The following TMEM132C variants were observed in gnomAD, a reference collection of about 807,000 sequenced individuals.
The protein encoded by TMEM132C is protein phosphatase 1, regulatory subunit 152.
A neutral mutation model predicts 61.4 loss-of-function variants in TMEM132C; 29 were observed. That is an observed-to-expected ratio of 0.47 (90% CI 0.35 to 0.64). The LOEUF (loss-of-function observed/expected upper bound fraction) is 0.64, where lower values mean the gene tolerates loss of function less well. Among genes scored for constraint, TMEM132C ranks in the 30% least tolerant of loss-of-function variants. The pLI, the probability that TMEM132C is intolerant of heterozygous loss-of-function variation, is 0.00. For synonymous variants in TMEM132C, 656 were observed against 633.1 expected, an observed-to-expected ratio of 1.04 and a Z score of -0.54; for missense variants, 1,408 against 1,476.9, an observed-to-expected ratio of 0.95 and a Z score of 0.76.
intron 4 of TMEM132C, among the ~76,000 whole-genome samples, chr12:128,651,344 C>T (rs1165186308): frequency 2.0e-5 from 3 of 152,228 alleles, no homozygotes; most frequent in Admixed American, 1.3e-4. Flanking sequence ...GCTCTTCAGA[C>T]AACGACTCCA....
chr12:128,411,921 C>G (rs1219937949), intron 1 of TMEM132C, among the ~76,000 whole-genome samples: 1 of 152,164 alleles, frequency 6.6e-6, no homozygotes. Flanking sequence ...GGTGAGACAC[C>G]AGGCTCCCGG....
intron 1 of TMEM132C, among the ~76,000 whole-genome samples, chr12:128,330,399 A>G (rs1312379004): frequency 1.3e-5 from 2 of 152,112 alleles, no homozygotes; most frequent in Non-Finnish European, 2.9e-5. Flanking sequence ...TTAAAAGTGT[A>G]TTTCTAGGGC....
chr12:128,291,298 C>G (rs1000015878), intron 1 of TMEM132C, among the ~76,000 whole-genome samples: 5 of 152,154 alleles, frequency 3.3e-5, no homozygotes, highest in Admixed American at 6.5e-5. Flanking sequence ...GTGTAGGTAC[C>G]GTTTTCACCC....
chr12:128,399,044 T>C (rs1188819496), intron 1 of TMEM132C, among the ~76,000 whole-genome samples: 2 of 152,224 alleles, frequency 1.3e-5, no homozygotes, highest in Non-Finnish European at 2.9e-5. Context: ...TACTCAACCA[T>C]CAGGAAAGCA....
chr12:128,531,629 A>G (rs575170899), intron 2 of TMEM132C, among the ~76,000 whole-genome samples: 28 of 152,364 alleles, frequency 1.8e-4, no homozygotes, highest in African/African-American at 5.8e-4. Flanking sequence ...GCACATACAC[A>G]TGACTTCTCT....
chr12:128,481,290 G>A (rs993689900), intron 2 of TMEM132C, among the ~76,000 whole-genome samples: 18 of 152,314 alleles, frequency 1.2e-4, no homozygotes, highest in African/African-American at 3.6e-4. Flanking sequence ...CAACCTTAAC[G>A]ATTTTTACGC....
intron 1 of TMEM132C, among the ~76,000 whole-genome samples, chr12:128,390,121 C>G (rs1874714680): frequency 6.6e-6 from 1 of 152,158 alleles, no homozygotes; most frequent in Non-Finnish European, 1.5e-5. Context: ...TCCTCCCACT[C>G]CAGCCTCCCA....
intron 2 of TMEM132C, among the ~76,000 whole-genome samples, chr12:128,483,185 T>C (rs967423767): frequency 6.7e-6 from 1 of 149,532 alleles, no homozygotes; most frequent in African/African-American, 2.5e-5. Flanking sequence ...GGGCGATTGC[T>C]TGAGTCCAGG....
At chr12:128,543,633 C>T (rs182074575) in intron 2 of TMEM132C, among the ~76,000 whole-genome samples, 8 of 152,266 alleles carry the variant, frequency 5.3e-5, no homozygotes, top group African/African-American at 1.9e-4. Flanking sequence ...CGCAGAGCCC[C>T]CTGAGTGAGG....
chr12:128,518,565 A>G (rs1422495043), intron 2 of TMEM132C, among the ~76,000 whole-genome samples: 1 of 152,234 alleles, frequency 6.6e-6, no homozygotes, highest in Non-Finnish European at 1.5e-5. Context: ...GGATCTAAAA[A>G]GTAATTACTG....
chr12:128,291,172 G>A (rs377153918), intron 1 of TMEM132C, among the ~76,000 whole-genome samples: 26 of 152,270 alleles, frequency 1.7e-4, no homozygotes, highest in African/African-American at 6.3e-4. Context: ...GCTGCAAGGC[G>A]ATCCCAGAAT....
At chr12:128,443,087 TA>T (rs972355991) in intron 2 of TMEM132C, among the ~76,000 whole-genome samples, 6 of 151,706 alleles carry the variant, frequency 4.0e-5, no homozygotes, top group African/African-American at 1.5e-4. Flanking sequence ...AATGGCTCAT[TA>T]AAAAAATGGA....
At chr12:128,678,146 G>T (rs1359221960) in intron 5 of TMEM132C, among the ~76,000 whole-genome samples, 2 of 152,250 alleles carry the variant, frequency 1.3e-5, no homozygotes, top group Non-Finnish European at 1.5e-5. Context: ...GACAGCAGAA[G>T]AGAGTTTTCT....
At chr12:128,557,329 A>G (rs1874365228) in intron 3 of TMEM132C, among the ~76,000 whole-genome samples, 1 of 152,186 alleles carries the variant, frequency 6.6e-6, no homozygotes, top group Non-Finnish European at 1.5e-5. Context: ...AAAACTGAAA[A>G]TGTATGAAGC....
intron 5 of TMEM132C, among the ~76,000 whole-genome samples, chr12:128,687,880 C>A (rs1339209248): frequency 6.6e-6 from 1 of 152,158 alleles, no homozygotes; most frequent in Non-Finnish European, 1.5e-5. Context: ...AGGATGCAGA[C>A]CAACCTACTG....
intron 2 of TMEM132C, among the ~76,000 whole-genome samples, chr12:128,515,767 G>A (rs1404639456): frequency 3.9e-5 from 6 of 152,176 alleles, no homozygotes; most frequent in African/African-American, 9.6e-5. Flanking sequence ...CCCGGGAGGC[G>A]GAGTTTGCAG....
chr12:128,589,574 T>C lies in TMEM132C; in HGVS notation c.1122-26578T>C, dbSNP rs1404771326. On this transcript the variant is annotated intron_variant, in intron 3 of 8. Transcript: ENST00000435159. The stretch of plus-strand genomic sequence containing the variant: ...AGCGTCGTGACGCATCGTATAGTAG[T>C]AGATTTCCCTGATTCTTTATTATCT... Among the ~76,000 whole-genome samples the C allele has an allele frequency of 7.4e-5, 11 of 148,460 alleles. No individual in the cohort carries two copies. The East Asian group carries it at 2.2e-3, about 30-fold the overall frequency.
chr12:128,518,756 G>T (rs529081194), intron 2 of TMEM132C, among the ~76,000 whole-genome samples: 2,115 of 150,054 alleles, frequency 0.014, 47 homozygotes, highest in African/African-American at 0.049. Flanking sequence ...GTGTGTGTGT[G>T]GTGTGTGTGT....
chr12:128,660,878 C>T (rs1954381481), intron 4 of TMEM132C, among the ~76,000 whole-genome samples: 1 of 152,076 alleles, frequency 6.6e-6, no homozygotes. Context: ...CAGCAGGTTT[C>T]ACCAGAGAAA....
Sources: allele counts gnomAD v4.1 joint callset (sites outside exome capture counted in the v4.1 genomes callset), GRCh38; gene constraint gnomAD v4.1.1; transcripts MANE v1.5; gene names NCBI Gene and HGNC (gene_info 2026-07-23, HGNC 2026-07-21).